Variants in NAALADL2 observed in about 807,000 individuals in gnomAD.
NAALADL2 encodes the protein N-acetylated alpha-linked acidic dipeptidase like 2.
A neutral mutation model predicts 87.2 loss-of-function variants in NAALADL2; 76 were observed. The ratio of observed to expected loss-of-function variants is 0.87; its 90% CI spans 0.72 to 1.05. The LOEUF (loss-of-function observed/expected upper bound fraction) is 1.05, where lower values mean the gene tolerates loss of function less well. Among genes scored for constraint, NAALADL2 ranks in the 50% least tolerant of loss-of-function variants. The pLI is 0.00. For synonymous variants in NAALADL2, 354 were observed against 331.0 expected, an observed-to-expected ratio of 1.07 and a Z score of -0.75; for missense variants, 1,089 against 945.8, an observed-to-expected ratio of 1.15 and a Z score of -1.99.
chr3:175,238,030 T>G (rs1274301788), intron 3 of NAALADL2, among the ~76,000 whole-genome samples: 1 of 152,206 alleles, frequency 6.6e-6, no homozygotes, highest in African/African-American at 2.4e-5. Context: ...TTAATTATTT[T>G]TTTCATTTTG....
At chr3:175,075,847 GA>G (rs1716486967) in intron 1 of NAALADL2, among the ~76,000 whole-genome samples, 1 of 152,016 alleles carries the variant, frequency 6.6e-6, no homozygotes, top group Non-Finnish European at 1.5e-5. Flanking sequence ...TATTAAAATA[GA>G]AAAAAAGTCT....
At chr3:175,706,377 A>G (rs925934243) in intron 11 of NAALADL2, among the ~76,000 whole-genome samples, 1 of 152,178 alleles carries the variant, frequency 6.6e-6, no homozygotes, top group Admixed American at 6.6e-5. Context: ...TAAATTAGGC[A>G]CAATAATAGA....
chr3:175,189,349 G>A (rs967351600), intron 2 of NAALADL2, among the ~76,000 whole-genome samples: 1 of 152,110 alleles, frequency 6.6e-6, no homozygotes, highest in African/African-American at 2.4e-5. Context: ...ATTGTACAAA[G>A]AAACTTTTAG....
At chr3:174,974,306 T>G (rs1006679661) in intron 1 of NAALADL2, among the ~76,000 whole-genome samples, 1 of 152,190 alleles carries the variant, frequency 6.6e-6, no homozygotes, top group Non-Finnish European at 1.5e-5. Context: ...TCTATGACTT[T>G]TAGAGTGAGA....
intron 3 of NAALADL2, among the ~76,000 whole-genome samples, chr3:174,764,043 G>A (rs1039882217): frequency 6.6e-6 from 1 of 152,146 alleles, no homozygotes; most frequent in African/African-American, 2.4e-5. Flanking sequence ...TGCTCTTTGT[G>A]ATTCAGAGAG....
chr3:175,176,215 A>T (rs1201437278), intron 2 of NAALADL2, among the ~76,000 whole-genome samples: 3 of 151,260 alleles, frequency 2.0e-5, no homozygotes, highest in Non-Finnish European at 4.4e-5. Flanking sequence ...TTTTTTTCAG[A>T]ATTTAGATTT....
rs1365701038 is a variant in NAALADL2 at position 175,806,657 on chromosome 3, G to C, written c.*3454G>C. 1 of 149,240 alleles carries C rather than the reference G, an allele frequency of 6.7e-6. No individual in the cohort carries two copies. Among genetic ancestry groups the C allele is most frequent in the Non-Finnish European group, 1.5e-5 (1 of 67,394 alleles). 9.2% of individuals were successfully genotyped at this position (149,240 alleles called of 1,614,324 possible). ...TTATATTTGTGCCTGCTACATCCCA[G>C]GCACTGGTGTTTTAGAATTTTTCCC... On this transcript the variant is annotated 3_prime_UTR_variant, in exon 14 of 14. Coordinates refer to ENST00000454872, the MANE Select transcript of NAALADL2 (RefSeq NM_207015.3).
chr3:174,998,946 GA>G (rs1254562026), intron 1 of NAALADL2, among the ~76,000 whole-genome samples: 2 of 152,050 alleles, frequency 1.3e-5, no homozygotes, highest in African/African-American at 4.8e-5. Flanking sequence ...TAAAAATATT[GA>G]ACTTTTATCA....
At chr3:175,632,000 C>A (rs1217638729) in intron 11 of NAALADL2, among the ~76,000 whole-genome samples, 1 of 151,980 alleles carries the variant, frequency 6.6e-6, no homozygotes, top group African/African-American at 2.4e-5. Flanking sequence ...GTAAATAAAT[C>A]ATTTTAATAA....
intron 1 of NAALADL2, among the ~76,000 whole-genome samples, chr3:175,031,214 A>G (rs913397514): frequency 5.3e-4 from 80 of 152,056 alleles, no homozygotes; most frequent in African/African-American, 1.8e-3. Context: ...GGTTTGGGGT[A>G]TGATTGGTTT....
chr3:174,945,298 A>T (rs1357448182), intron 1 of NAALADL2, among the ~76,000 whole-genome samples: 3 of 152,168 alleles, frequency 2.0e-5, no homozygotes, highest in Non-Finnish European at 4.4e-5. Flanking sequence ...AGATAAAGAA[A>T]CTGAGGCTTA....
intron 11 of NAALADL2, among the ~76,000 whole-genome samples, chr3:175,729,758 T>A (rs5017491): frequency 0.24 from 36,030 of 150,876 alleles, 4,543 homozygotes; most frequent in Middle Eastern, 0.33. Context: ...TAAATTTAAT[T>A]CAGCTGAAGG....
At chr3:174,505,440 A>G (rs986028328) in intron 1 of NAALADL2, among the ~76,000 whole-genome samples, 1 of 152,222 alleles carries the variant, frequency 6.6e-6, no homozygotes, top group African/African-American at 2.4e-5. Flanking sequence ...GATCAAGAAA[A>G]TGCCAGAGAA....
intron 3 of NAALADL2, among the ~76,000 whole-genome samples, chr3:174,804,913 C>T (rs1405392066): frequency 6.6e-6 from 1 of 152,074 alleles, no homozygotes; most frequent in Non-Finnish European, 1.5e-5. Flanking sequence ...TTTAAATTGT[C>T]TAATTATCAA....
intron 1 of NAALADL2, among the ~76,000 whole-genome samples, chr3:174,977,556 A>C (rs1744529230): frequency 6.6e-6 from 1 of 152,210 alleles, no homozygotes; most frequent in Non-Finnish European, 1.5e-5. Flanking sequence ...CAGTGCAGAG[A>C]ATTTCAGCTT....
Position 175,620,074 on chromosome 3 carries a change from GA to G in NAALADL2, c.1801-7204del, listed in dbSNP as rs34788490. Among the ~76,000 whole-genome samples, 1,359 of 147,624 alleles carry G rather than the reference GA, an allele frequency of 9.2e-3. 7 individuals carry two copies. The highest frequency in any genetic ancestry group is 0.031 in the Middle Eastern group (9 of 288). Reference sequence around the variant, plus strand: ...GGGCGAGAATTTTTATCTCTTTTTGGAAAAAAAAAAAAATTGGAATTAAAAA... The same window carrying G: ...GGGCGAGAATTTTTATCTCTTTTTGGAAAAAAAAAAAATTGGAATTAAAAA... On this transcript the variant is annotated intron_variant, in intron 10 of 13. Transcript: ENST00000454872.
At chr3:174,457,776 A>T (rs1181981509) in intron 1 of NAALADL2, among the ~76,000 whole-genome samples, 3 of 152,048 alleles carry the variant, frequency 2.0e-5, no homozygotes, top group Non-Finnish European at 4.4e-5. Context: ...GTGCCATTGC[A>T]CTTCAGCCTG....
intron 4 of NAALADL2, 34 bp from the exon 5 acceptor site, chr3:175,324,141 A>G: frequency 1.2e-6 from 2 of 1,600,736 alleles, no homozygotes; most frequent in Non-Finnish European, 1.7e-6. Flanking sequence ...AATGTGCATG[A>G]TAATATTTTT....
chr3:175,642,789 C>T (rs938812577), intron 11 of NAALADL2, among the ~76,000 whole-genome samples: 3 of 152,126 alleles, frequency 2.0e-5, no homozygotes, highest in Admixed American at 6.5e-5. Flanking sequence ...TGTAAGCCAC[C>T]GCGCCCGGCC....
Sources: gnomAD v4.1 joint callset for allele counts (sites outside exome capture counted in the v4.1 genomes callset) on GRCh38, gnomAD v4.1.1 for gene constraint, MANE v1.5 for transcripts, NCBI Gene and HGNC (gene_info 2026-07-23, HGNC 2026-07-21) for gene names.